The following RPTOR variants were observed in gnomAD, a reference collection of about 807,000 sequenced individuals.
RPTOR encodes the protein regulatory-associated protein of mTOR.
A neutral mutation model predicts 169.9 loss-of-function variants in RPTOR; 21 were observed. The observed-to-expected ratio is 0.12, with a 90% CI of 0.09 to 0.18. The LOEUF (loss-of-function observed/expected upper bound fraction) is 0.18. Ranked by LOEUF, RPTOR falls within the 10% of genes least tolerant of loss-of-function variation. The pLI is 1.00. For missense variants in RPTOR, 1,133 were observed against 1,855.9 expected (o/e 0.61, Z 7.16); for synonymous variants, 732 against 753.2 (o/e 0.97, Z 0.46).
In RPTOR at chr17:80,687,068, A is replaced by C. The variant is rs147899689; in HGVS notation, c.349-20773A>C. On this transcript the variant is annotated intron_variant, in intron 3 of 33. Transcript: ENST00000306801. ...TCACCCCACGCAATGCCTCCTAATA[A>C]CTGGGGCTTTGTGGTCAGGGTTTTT... 3.3e-5 allele frequency among the ~76,000 whole-genome samples: 5 copies of C among 152,198 alleles called. No homozygotes were observed. The East Asian group carries it at 9.7e-4, about 29-fold the overall frequency.
At chr17:80,573,549 A>C (rs1379927463) in intron 1 of RPTOR, among the ~76,000 whole-genome samples, 1 of 152,190 alleles carries the variant, frequency 6.6e-6, no homozygotes, top group Non-Finnish European at 1.5e-5. Context: ...TAAAAAATTT[A>C]AGTTTTTAGC....
At chr17:80,636,267 C>T (rs2065505372) in intron 2 of RPTOR, among the ~76,000 whole-genome samples, 1 of 152,130 alleles carries the variant, frequency 6.6e-6, no homozygotes, top group African/African-American at 2.4e-5. Context: ...GTCCCTACTT[C>T]TACCCCAACA....
At chr17:80,743,157 C>T in intron 5 of RPTOR, 1 of 886,798 alleles carries the variant, frequency 1.1e-6, no homozygotes, top group African/African-American at 1.8e-5. Flanking sequence ...TCCTTGTTAA[C>T]AGAATTGGAA....
chr17:80,549,902 G>A (rs1189871935), intron 1 of RPTOR, among the ~76,000 whole-genome samples: 1 of 152,216 alleles, frequency 6.6e-6, no homozygotes, highest in Non-Finnish European at 1.5e-5. Flanking sequence ...ACCACTGACA[G>A]GCATCCTATG....
rs541593488 is a variant in RPTOR, at chr17:80,844,504, T to TA, written c.1213-1967dup. 9.2e-5 allele frequency among the ~76,000 whole-genome samples: 14 copies of TA among 152,282 alleles called. No homozygotes were observed. The South Asian group carries it at 2.7e-3, about 29-fold the overall frequency. On this transcript the variant is annotated intron_variant, in intron 10 of 33. Transcript: ENST00000306801. The surrounding 1 kb of genome is among the most constrained non-coding windows in gnomAD (Gnocchi z 4.7). ...CGCGGGATGTGGAGGAGGGGGTACTTAACGAGATTTTTTTTTAACCAATTT... is the reference window on the plus strand; with the variant it reads ...CGCGGGATGTGGAGGAGGGGGTACTTAAACGAGATTTTTTTTTAACCAATTT...
Position 80,695,307 on chromosome 17 carries a change from G to A in RPTOR, c.349-12534G>A, listed in dbSNP as rs796826781. Among the ~76,000 whole-genome samples, 28 of 152,338 alleles carry A rather than the reference G, an allele frequency of 1.8e-4. No homozygotes were observed. Among genetic ancestry groups the A allele is most frequent in the African/African-American group, 5.8e-4 (24 of 41,588 alleles). ...CACATCAGCCACCCGGGCAGGGCCCGCGTTAGTTTAGTTGTTTGTGGAGGA... is the reference window on the plus strand; with the variant it reads ...CACATCAGCCACCCGGGCAGGGCCCACGTTAGTTTAGTTGTTTGTGGAGGA... On this transcript the variant is annotated intron_variant, in intron 3 of 33. Coordinates refer to ENST00000306801, the MANE Select transcript of RPTOR (RefSeq NM_020761.3). This position sits in a 1 kb window ranked among gnomAD's most constrained non-coding sequence, Gnocchi z 4.9.
chr17:80,703,594 G>GT lies in RPTOR; in HGVS notation c.349-4239dup, dbSNP rs1453785818. 6.6e-5 allele frequency among the ~76,000 whole-genome samples: 10 copies of GT among 151,988 alleles called. No homozygotes were observed. The East Asian group carries it at 9.7e-4, about 15-fold the overall frequency. ...TCCTTTAGCATCCATTAAAAAAAAA[G>GT]TTTTTTTTGAGTCCTACCTCTCCAT... On this transcript the variant is annotated intron_variant, in intron 3 of 33. Coordinates refer to ENST00000306801, the MANE Select transcript of RPTOR (RefSeq NM_020761.3).
chr17:80,790,935 C>T (rs1200618947), intron 6 of RPTOR, among the ~76,000 whole-genome samples: 1 of 152,196 alleles, frequency 6.6e-6, no homozygotes, highest in African/African-American at 2.4e-5. Flanking sequence ...TGTCCGGCTC[C>T]ACACGCGCTC....
intron 6 of RPTOR, among the ~76,000 whole-genome samples, chr17:80,767,009 TAGAA>T (rs781447406): frequency 1.9e-4 from 29 of 152,184 alleles, no homozygotes; most frequent in Non-Finnish European, 3.2e-4. Context: ...TCAAGAAAAA[TAGAA>T]GGAAGATACA....
At chr17:80,930,389 AGCTCATT>A in intron 24 of RPTOR, among the ~76,000 whole-genome samples, 1 of 66,696 alleles carries the variant, frequency 1.5e-5, no homozygotes. Context: ...AGCTCAGCTC[AGCTCATT>A]CTCAGCTCAT....
At chr17:80,876,076 G>T (rs1189957661) in intron 13 of RPTOR, among the ~76,000 whole-genome samples, 2 of 75,120 alleles carry the variant, frequency 2.7e-5, no homozygotes, top group African/African-American at 5.0e-5. Context: ...CCCGTGCCAC[G>T]CAGGGTGTGT....
chr17:80,890,922 G>A (rs914213239), intron 17 of RPTOR, among the ~76,000 whole-genome samples: 1 of 152,094 alleles, frequency 6.6e-6, no homozygotes, highest in Non-Finnish European at 1.5e-5. Flanking sequence ...GGGGCGTCAC[G>A]CGACTAGCAA....
At chr17:80,720,372 T>G (rs1401459697) in intron 4 of RPTOR, among the ~76,000 whole-genome samples, 5 of 152,206 alleles carry the variant, frequency 3.3e-5, no homozygotes, top group Non-Finnish European at 7.3e-5. Flanking sequence ...AAAAGTGATA[T>G]TTATGTCAGA....
chr17:80,824,394 T>G (rs2067416109), intron 9 of RPTOR, among the ~76,000 whole-genome samples: 1 of 152,198 alleles, frequency 6.6e-6, no homozygotes, highest in African/African-American at 2.4e-5. Context: ...AACAGAGCTG[T>G]AAAAGAGACA....
intron 3 of RPTOR, among the ~76,000 whole-genome samples, chr17:80,656,274 T>C (rs935080729): frequency 1.3e-5 from 2 of 152,166 alleles, no homozygotes; most frequent in African/African-American, 4.8e-5. Context: ...TTTCACCATG[T>C]TGGTCAGGCT....
chr17:80,880,519 G>A, intron 14 of RPTOR, 30 bp downstream of exon 14: 1 of 1,606,096 alleles, frequency 6.2e-7, no homozygotes, highest in Non-Finnish European at 8.5e-7. Context: ...CTCTCCACGG[G>A]CTTGGGACTC....
chr17:80,874,116 G>A (rs1416951077), intron 13 of RPTOR, among the ~76,000 whole-genome samples: 1 of 152,192 alleles, frequency 6.6e-6, no homozygotes, highest in South Asian at 2.1e-4. Flanking sequence ...AAGATGGAAA[G>A]CATGCCAGTG....
intron 13 of RPTOR, among the ~76,000 whole-genome samples, chr17:80,864,631 C>T (rs868398508): frequency 1.3e-5 from 2 of 152,206 alleles, no homozygotes; most frequent in African/African-American, 4.8e-5. Flanking sequence ...ATCCACACTA[C>T]AAGAAACGTG....
intron 18 of RPTOR, among the ~76,000 whole-genome samples, chr17:80,892,134 AGG>A (rs1222101617): frequency 6.6e-6 from 1 of 152,246 alleles, no homozygotes; most frequent in Admixed American, 6.5e-5. Context: ...GGAAAAGCGC[AGG>A]GGCCGTCTTC....
Sources: allele counts gnomAD v4.1 joint callset (sites outside exome capture counted in the v4.1 genomes callset), GRCh38; gene constraint gnomAD v4.1.1; non-coding constraint Gnocchi (gnomAD v3.1); transcripts MANE v1.5; gene names NCBI Gene and HGNC (gene_info 2026-07-23, HGNC 2026-07-21).